PITPNM2: variants seen among roughly 807,000 people sequenced by gnomAD.
PITPNM2 encodes the protein phosphatidylinositol transfer protein membrane associated 2, also known as membrane-associated phosphatidylinositol transfer protein 2.
A neutral mutation model predicts 132.2 loss-of-function variants in PITPNM2; 35 were observed. The observed-to-expected ratio is 0.26, with a 90% CI of 0.20 to 0.35. The LOEUF is 0.35. Among genes scored for constraint, PITPNM2 ranks in the 10% least tolerant of loss-of-function variants. The pLI is 1.00. For synonymous variants in PITPNM2, 738 were observed against 799.2 expected (o/e 0.92, Z 1.29); for missense variants, 1,332 against 1,912.0 (o/e 0.70, Z 5.66).
Position 123,082,140 on chromosome 12 carries a change from G to T in PITPNM2, c.-96+28245C>A, listed in dbSNP as rs952194508. 6.6e-6 allele frequency: 1 copy of T among 152,400 alleles called. No individual in the cohort carries two copies. The highest frequency in any genetic ancestry group is 6.5e-5 in the Admixed American group (1 of 15,278). The allele number at this position is 152,400 out of a possible 1,614,324, so 9.4% of individuals were successfully genotyped here. A position where few individuals can be genotyped will look rare whatever the true frequency, so the allele number is the denominator to read the frequency against. ...AATGGCCTCTCTCCACCCACTCAGA[G>T]TGAGGGCCTGCAGGCTCTGCCCTGC... On this transcript the variant is annotated intron_variant, in intron 2 of 25. Transcript: ENST00000320201. This position sits in a 1 kb window ranked among gnomAD's most constrained non-coding sequence, Gnocchi z 5.4.
In PITPNM2 at chr12:123,051,649, G is replaced by A. The variant is rs144437293; in HGVS notation, c.-95-16964C>T. ...AGTCTGTTTCTGCTGTAAATTGTTC[G>A]TGCTGGCTCTGGCTCTTAGTGCTTT... On this transcript the variant is annotated intron_variant, in intron 2 of 25. Transcript: ENST00000320201. 8.5e-3 allele frequency among the ~76,000 whole-genome samples: 1,299 copies of A among 152,258 alleles called. 18 individuals carry two copies. Among genetic ancestry groups the A allele is most frequent in the African/African-American group, 0.03 (1,254 of 41,538 alleles).
At chr12:123,039,947 C>G (rs1014156556) in intron 2 of PITPNM2, among the ~76,000 whole-genome samples, 3 of 152,106 alleles carry the variant, frequency 2.0e-5, no homozygotes, top group Non-Finnish European at 2.9e-5. Context: ...GCCTGAGCAA[C>G]GTGGTGAAAC....
intron 1 of PITPNM2, among the ~76,000 whole-genome samples, chr12:123,134,891 T>C (rs1470068516): frequency 2.6e-5 from 4 of 152,160 alleles, no homozygotes; most frequent in African/African-American, 9.7e-5. Context: ...CAGAGGGTTG[T>C]TGTGGGATGA....
intron 2 of PITPNM2, among the ~76,000 whole-genome samples, chr12:123,044,846 G>A (rs988749594): frequency 6.6e-6 from 1 of 152,104 alleles, no homozygotes; most frequent in Admixed American, 6.5e-5. Flanking sequence ...GAACACAGTG[G>A]CGTGATCTTA....
chr12:123,101,255 G>A (rs2042557034), intron 2 of PITPNM2, among the ~76,000 whole-genome samples: 1 of 152,158 alleles, frequency 6.6e-6, no homozygotes. Flanking sequence ...CTTGCAGTGG[G>A]ACATAGCATG....
intron 6 of PITPNM2, chr12:123,007,420 G>A (rs1328305058): frequency 2.4e-5 from 11 of 456,230 alleles, no homozygotes; most frequent in Non-Finnish European, 4.0e-5. Context: ...ATTTCTCCAG[G>A]GGACAAACCT....
Position 123,005,250 on chromosome 12 carries a change from G to A in PITPNM2, c.942C>T (p.Ser314=), listed in dbSNP as rs1361260046. ...GGCGCAGGGCCTTACCTCCCCGCTT[G>A]GACGACCGAGACGACTTGGAGGATG... The part of the protein sequence containing the change: ...WSTSSKSSRS[S]KRGASPSRHS... The change falls in exon 7 of 26, where the codon TCC becomes TCT. Residue 314 remains serine, a synonymous_variant. Coordinates refer to ENST00000320201, the MANE Select transcript of PITPNM2 (RefSeq NM_020845.3). The surrounding 1 kb of genome is among the most constrained non-coding windows in gnomAD (Gnocchi z 6.2). 1 of 1,611,818 alleles carries A rather than the reference G, an allele frequency of 6.2e-7. No individual in the cohort carries two copies. Among genetic ancestry groups the A allele is most frequent in the African/African-American group, 1.3e-5 (1 of 74,948 alleles).
At chr12:123,144,098 A>C (rs912072553) in intron 1 of PITPNM2, among the ~76,000 whole-genome samples, 3 of 152,222 alleles carry the variant, frequency 2.0e-5, no homozygotes, top group African/African-American at 7.2e-5. Flanking sequence ...TTGGCAAAAA[A>C]TTTGAGTTGC....
chr12:122,988,895 G>A lies in PITPNM2; in HGVS notation c.2732-23C>T. On this transcript the variant is annotated intron_variant, in intron 18 of 25. Coordinates refer to ENST00000320201, the MANE Select transcript of PITPNM2 (RefSeq NM_020845.3). ...CGACTGCCAGGAGGGGCCGTGACTG[G>A]GCTGGGGCTGTATAGCCCCAGACAG... is the stretch of plus-strand genomic sequence containing the variant. 1.9e-6 allele frequency: 3 copies of A among 1,546,076 alleles called. No individual in the cohort carries two copies. The African/African-American group carries it at 4.1e-5, about 21-fold the overall frequency.
rs2043700879 is a variant in PITPNM2 at position 123,150,223 on chromosome 12, T to C, written c.-200+530A>G. 1.3e-5 allele frequency among the ~76,000 whole-genome samples: 2 copies of C among 151,664 alleles called. No homozygotes were observed. Among genetic ancestry groups the C allele is most frequent in the Non-Finnish European group, 2.9e-5 (2 of 67,834 alleles). The stretch of plus-strand genomic sequence containing the variant: ...GAAGAAGACAGAGCCGGCACCCCAT[T>C]ACCACACGAAGGGGGCACTGAGGAT... On this transcript the variant is annotated intron_variant, in intron 1 of 25. Transcript: ENST00000320201. This position sits in a 1 kb window ranked among gnomAD's most constrained non-coding sequence, Gnocchi z 6.0.
At position 123,004,662 on chromosome 12, in the gene PITPNM2, G is replaced by C; in HGVS notation, c.953-173C>G. On this transcript the variant is annotated intron_variant, in intron 7 of 25. Transcript: ENST00000320201. This position sits in a 1 kb window ranked among gnomAD's most constrained non-coding sequence, Gnocchi z 4.9. The stretch of plus-strand genomic sequence containing the variant: ...TGAAGTGTGTAAATGAGTGGGGAGC[G>C]GCCTAGGCTCATCTCCTGTCCGCCT... 1.6e-6 allele frequency: 1 copy of C among 642,514 alleles called. No individual in the cohort carries two copies. The highest frequency in any genetic ancestry group is 2.8e-6 in the Non-Finnish European group (1 of 356,702). The allele number at this position is 642,514 out of a possible 1,614,324, so 39.8% of individuals were successfully genotyped here. A position where few individuals can be genotyped will look rare whatever the true frequency, so the allele number is the denominator to read the frequency against.
chr12:123,110,130 T>C (rs2137324104), intron 2 of PITPNM2, among the ~76,000 whole-genome samples: 1 of 152,222 alleles, frequency 6.6e-6, no homozygotes, highest in East Asian at 1.9e-4. Context: ...GTTAATTTTT[T>C]TTTTCAGAGA....
At position 122,993,956 on chromosome 12, in the gene PITPNM2, C is replaced by G; in HGVS notation, c.2233+845G>C. 6.6e-6 allele frequency among the ~76,000 whole-genome samples: 1 copy of G among 152,140 alleles called. No individual in the cohort carries two copies. Among genetic ancestry groups the G allele is most frequent in the Non-Finnish European group, 1.5e-5 (1 of 68,034 alleles). ...TGGCACAATCTTGGCTCACCGCAAC[C>G]TCCGCCCTCCCGTGTTCAGGCGATT... On this transcript the variant is annotated intron_variant, in intron 15 of 25. Coordinates refer to ENST00000320201, the MANE Select transcript of PITPNM2 (RefSeq NM_020845.3). The surrounding 1 kb of genome is among the most constrained non-coding windows in gnomAD (Gnocchi z 5.2).
chr12:123,067,742 T>G (rs950048581), intron 2 of PITPNM2, among the ~76,000 whole-genome samples: 1 of 152,120 alleles, frequency 6.6e-6, no homozygotes, highest in African/African-American at 2.4e-5. Context: ...GCCATGCAGT[T>G]TGTGGTCATT....
Position 123,111,727 on chromosome 12 carries a change from G to A in PITPNM2, c.-199-1239C>T, listed in dbSNP as rs1425004501. Among the ~76,000 whole-genome samples, 1 of 152,198 alleles carries A rather than the reference G, an allele frequency of 6.6e-6. No individual in the cohort carries two copies. The highest frequency in any genetic ancestry group is 1.5e-5 in the Non-Finnish European group (1 of 68,030). On this transcript the variant is annotated intron_variant, in intron 1 of 25. Coordinates refer to ENST00000320201, the MANE Select transcript of PITPNM2 (RefSeq NM_020845.3). This position sits in a 1 kb window ranked among gnomAD's most constrained non-coding sequence, Gnocchi z 4.1. ...GCCCCAGCCCCTTGTCTCCACGGCT[G>A]CATGTACACACCCACATACACACTC... is the stretch of plus-strand genomic sequence containing the variant.
chr12:123,048,053 T>G (rs920081584), intron 2 of PITPNM2, among the ~76,000 whole-genome samples: 2 of 148,788 alleles, frequency 1.3e-5, no homozygotes, highest in African/African-American at 5.0e-5. Context: ...GAGCCGAGAT[T>G]GCACAACTGT....
intron 2 of PITPNM2, among the ~76,000 whole-genome samples, chr12:123,062,408 C>T (rs924790914): frequency 9.9e-5 from 15 of 152,110 alleles, no homozygotes; most frequent in Non-Finnish European, 2.1e-4. Flanking sequence ...CTGCTGCTGG[C>T]TGTGGGGCTG....
chr12:123,074,495 T>C (rs548144229), intron 2 of PITPNM2, among the ~76,000 whole-genome samples: 2 of 151,264 alleles, frequency 1.3e-5, no homozygotes, highest in East Asian at 1.9e-4. Context: ...CATGCACATA[T>C]AAATACACAC....
Position 123,000,373 on chromosome 12 carries a change from G to A in PITPNM2, c.1224+405C>T, listed in dbSNP as rs969118586. On this transcript the variant is annotated intron_variant, in intron 10 of 25. Coordinates refer to ENST00000320201, the MANE Select transcript of PITPNM2 (RefSeq NM_020845.3). The surrounding 1 kb of genome is among the most constrained non-coding windows in gnomAD (Gnocchi z 5.4). ...CCCGCGGGGCCATCTTGTCGGCCACGGCCACATCACTTCTGCCTAGACGAC... is the reference window on the plus strand; with the variant it reads ...CCCGCGGGGCCATCTTGTCGGCCACAGCCACATCACTTCTGCCTAGACGAC... 15 of 701,442 alleles carry A rather than the reference G, an allele frequency of 2.1e-5. No individual in the cohort carries two copies. The highest frequency in any genetic ancestry group is 1.1e-4 in the East Asian group (4 of 37,286). The allele number at this position is 701,442 out of a possible 1,614,324, so 43.5% of individuals were successfully genotyped here.
Sources: allele counts gnomAD v4.1 joint callset (sites outside exome capture counted in the v4.1 genomes callset), GRCh38; gene constraint gnomAD v4.1.1; non-coding constraint Gnocchi (gnomAD v3.1); transcripts MANE v1.5; gene names NCBI Gene and HGNC (gene_info 2026-07-23, HGNC 2026-07-21).